GLI2: variants seen among roughly 807,000 people sequenced by gnomAD.
The protein encoded by GLI2 is transcription activator GLI2.
GLI2 carries 22 observed loss-of-function variants against 78.9 expected under a neutral mutation model. The observed-to-expected ratio is 0.28, with a 90% CI of 0.20 to 0.40. The LOEUF is 0.40. GLI2 is among the 10% of genes least tolerant of loss of function. The pLI is 1.00. For synonymous variants in GLI2, 974 were observed against 963.7 expected (o/e 1.01, Z -0.20); for missense variants, 2,097 against 2,213.2 (o/e 0.95, Z 1.05).
At chr2:120,918,643 G>C (rs1001861046) in intron 2 of GLI2, among the ~76,000 whole-genome samples, 1 of 152,126 alleles carries the variant, frequency 6.6e-6, no homozygotes, top group Non-Finnish European at 1.5e-5. Flanking sequence ...GTTTCGCCAT[G>C]TTGGCCAGGA....
rs1234249978 is a variant in GLI2, at chr2:120,988,800, A to G, written c.2835A>G (p.Pro945=). 6.5e-6 allele frequency: 9 copies of G among 1,391,462 alleles called. No homozygotes were observed. Among genetic ancestry groups the G allele is most frequent in the Non-Finnish European group, 8.4e-6 (9 of 1,072,488 alleles). The allele number at this position is 1,391,462 out of a possible 1,614,324, so 86.2% of individuals were successfully genotyped here. A position where few individuals can be genotyped will look rare whatever the true frequency, so the allele number is the denominator to read the frequency against. ...CGCCCGCCTTCCCCCACGAGGCTCC[A>G]GGCGGCGGAGCCAGGCGGGCCAGCG... The part of the protein sequence containing the change: ...GAAPAFPHEA[P]GGGARRASDP... Residue 945 remains proline, a synonymous_variant, in exon 14 of 14, where the codon CCA becomes CCG. Transcript: ENST00000361492.
chr2:120,950,789 A>G (rs915370266), intron 3 of GLI2, among the ~76,000 whole-genome samples: 9 of 152,194 alleles, frequency 5.9e-5, no homozygotes, highest in Non-Finnish European at 1.0e-4. Context: ...TCTCTTTTTC[A>G]CATATCCTGT....
At chr2:120,789,072 G>A (rs1488556816) in intron 1 of GLI2, among the ~76,000 whole-genome samples, 13 of 134,460 alleles carry the variant, frequency 9.7e-5, no homozygotes, top group African/African-American at 3.9e-4. Flanking sequence ...TCACTCTGTC[G>A]CCAGGCTGGA....
chr2:120,966,154 A>G (rs1400003880), intron 5 of GLI2, among the ~76,000 whole-genome samples: 1 of 152,182 alleles, frequency 6.6e-6, no homozygotes, highest in African/African-American at 2.4e-5. Context: ...AAAATAAAGT[A>G]TACCAAGTAC....
At chr2:120,905,875 C>T (rs969655730) in intron 2 of GLI2, among the ~76,000 whole-genome samples, 1 of 151,872 alleles carries the variant, frequency 6.6e-6, no homozygotes, top group African/African-American at 2.4e-5. Context: ...CTGCCCCCCC[C>T]CCGCCCCCAC....
intron 1 of GLI2, among the ~76,000 whole-genome samples, chr2:120,785,456 G>C (rs191506305): frequency 7.0e-4 from 107 of 152,292 alleles, no homozygotes; most frequent in African/African-American, 2.5e-3. Context: ...AGAAGGGCTG[G>C]GTGCAGGCAT....
chr2:120,837,545 T>C (rs1686676597), intron 2 of GLI2, among the ~76,000 whole-genome samples: 1 of 152,212 alleles, frequency 6.6e-6, no homozygotes, highest in Non-Finnish European at 1.5e-5. Context: ...ATTCTTTTCC[T>C]CTGTGGCTTG....
At chr2:120,856,202 G>C (rs1223309038) in intron 2 of GLI2, among the ~76,000 whole-genome samples, 1 of 152,192 alleles carries the variant, frequency 6.6e-6, no homozygotes, top group Admixed American at 6.5e-5. Flanking sequence ...GAAGCTGCCT[G>C]TTCTGCCTGC....
chr2:120,922,825 A>G (rs1369287082), intron 2 of GLI2, among the ~76,000 whole-genome samples: 8 of 152,126 alleles, frequency 5.3e-5, no homozygotes, highest in Admixed American at 5.2e-4. Flanking sequence ...CAGGTGACCC[A>G]GGCTCCTGGA....
chr2:120,748,221 G>A (rs1283437017), intron 1 of GLI2, among the ~76,000 whole-genome samples: 3 of 152,224 alleles, frequency 2.0e-5, no homozygotes, highest in African/African-American at 7.2e-5. Flanking sequence ...CTGGCTCCAG[G>A]CTGACAAATT....
At position 120,878,916 on chromosome 2, in the gene GLI2, A is replaced by G. The variant is rs563976858; in HGVS notation, c.149-48445A>G. ...GCACTCCAGCCTGGGTGACAGAGCG[A>G]GACTCCATCTTAAAAAAAAAAAAAA... is the stretch of plus-strand genomic sequence containing the variant. On this transcript the variant is annotated intron_variant, in intron 2 of 13. Transcript: ENST00000361492. 4.1e-4 allele frequency among the ~76,000 whole-genome samples: 63 copies of G among 151,870 alleles called. 1 individual carries two copies. In the Middle Eastern group the frequency reaches 0.02, roughly 49 times the overall value.
intron 3 of GLI2, among the ~76,000 whole-genome samples, chr2:120,927,978 TCACCCTGTGGTCTC>T (rs1226948499): frequency 1.3e-5 from 2 of 152,216 alleles, no homozygotes; most frequent in African/African-American, 4.8e-5. Context: ...AGGTGTGGGG[TCACCCTGTGGTCTC>T]CACCTGCCTA....
chr2:120,913,173 T>A (rs1484248693), intron 2 of GLI2, among the ~76,000 whole-genome samples: 1 of 152,204 alleles, frequency 6.6e-6, no homozygotes, highest in Non-Finnish European at 1.5e-5. Context: ...TAAGCTAGAC[T>A]AGAATTCTGA....
At chr2:120,810,053 C>A (rs932622516) in intron 2 of GLI2, among the ~76,000 whole-genome samples, 1 of 152,144 alleles carries the variant, frequency 6.6e-6, no homozygotes, top group South Asian at 2.1e-4. Context: ...GCCCCAGGGG[C>A]GGGGGCCCTG....
intron 2 of GLI2, among the ~76,000 whole-genome samples, chr2:120,904,451 T>C (rs952026573): frequency 4.6e-5 from 7 of 152,140 alleles, no homozygotes; most frequent in African/African-American, 1.7e-4. Flanking sequence ...TTCTGTGACC[T>C]CACGAGCTCT....
intron 2 of GLI2, among the ~76,000 whole-genome samples, chr2:120,885,748 C>G (rs2104729890): frequency 6.6e-6 from 1 of 152,284 alleles, no homozygotes; most frequent in South Asian, 2.1e-4. Context: ...AAGCTGAGGC[C>G]TCTGTACTTG....
At chr2:120,924,444 T>A (rs1679560173) in intron 2 of GLI2, among the ~76,000 whole-genome samples, 1 of 151,404 alleles carries the variant, frequency 6.6e-6, no homozygotes, top group African/African-American at 2.4e-5. Context: ...GGCAAGGCCA[T>A]GAATCATTCT....
At chr2:120,871,426 A>T (rs1219776490) in intron 2 of GLI2, among the ~76,000 whole-genome samples, 3 of 152,194 alleles carry the variant, frequency 2.0e-5, no homozygotes, top group Non-Finnish European at 4.4e-5. Flanking sequence ...AGCTGCCTGA[A>T]CCCACGCCCA....
intron 3 of GLI2, among the ~76,000 whole-genome samples, chr2:120,941,767 G>A (rs1049469263): frequency 1.3e-5 from 2 of 152,258 alleles, no homozygotes; most frequent in Non-Finnish European, 2.9e-5. Flanking sequence ...ATCCTGGTGG[G>A]TGGTAGGCAT....
Sources: gnomAD v4.1 joint callset for allele counts (sites outside exome capture counted in the v4.1 genomes callset) on GRCh38, gnomAD v4.1.1 for gene constraint, MANE v1.5 for transcripts, NCBI Gene and HGNC (gene_info 2026-07-23, HGNC 2026-07-21) for gene names.